The following GALNT13 variants were observed in gnomAD, a reference collection of about 807,000 sequenced individuals.
GALNT13 encodes the protein polypeptide N-acetylgalactosaminyltransferase 13.
A neutral mutation model predicts 64.2 loss-of-function variants in GALNT13; 28 were observed. The observed-to-expected ratio is 0.44, with a 90% CI of 0.32 to 0.60. The LOEUF is 0.60. GALNT13 is among the 20% of genes least tolerant of loss of function. The pLI, the probability that GALNT13 is intolerant of heterozygous loss-of-function variation, is 0.05. For synonymous variants in GALNT13, 214 were observed against 224.6 expected (o/e 0.95, Z 0.42); for missense variants, 577 against 669.8 (o/e 0.86, Z 1.53).
At chr2:153,485,938 T>C in the GALNT13 span, among the ~76,000 whole-genome samples, 1 of 151,876 alleles carries the variant, frequency 6.6e-6, no homozygotes, top group Non-Finnish European at 1.5e-5. Context: ...ACCTTCCTTT[T>C]GTTTTTTTGG....
the GALNT13 span, among the ~76,000 whole-genome samples, chr2:153,726,336 T>TA: frequency 7.2e-5 from 11 of 152,184 alleles, no homozygotes; most frequent in African/African-American, 2.4e-4. Flanking sequence ...GTGTCTTTTT[T>TA]AAAAAAAATG....
At chr2:153,632,101 C>T in the GALNT13 span, among the ~76,000 whole-genome samples, 1 of 152,092 alleles carries the variant, frequency 6.6e-6, no homozygotes, top group African/African-American at 2.4e-5. Flanking sequence ...CTCCCAAGTC[C>T]CTCTTACTGA....
At chr2:154,333,245 G>A (rs1029185726) in intron 9 of GALNT13, among the ~76,000 whole-genome samples, 13 of 151,912 alleles carry the variant, frequency 8.6e-5, no homozygotes, top group Admixed American at 5.9e-4. Flanking sequence ...CACTGATATT[G>A]GAGTTATAGT....
chr2:153,493,701 A>G, the GALNT13 span, among the ~76,000 whole-genome samples: 2 of 152,124 alleles, frequency 1.3e-5, no homozygotes, highest in Admixed American at 6.5e-5. Flanking sequence ...ATCATTATAG[A>G]TGAATATTCT....
chr2:154,329,855 G>T (rs1045068781), intron 9 of GALNT13, among the ~76,000 whole-genome samples: 11 of 152,116 alleles, frequency 7.2e-5, no homozygotes, highest in Non-Finnish European at 1.3e-4. Context: ...TCTCTGTGCA[G>T]AATGGCTCCC....
At chr2:153,862,392 C>T in the GALNT13 span, among the ~76,000 whole-genome samples, 1 of 152,092 alleles carries the variant, frequency 6.6e-6, no homozygotes, top group Non-Finnish European at 1.5e-5. Context: ...CTCTTAATAT[C>T]CTATACTATA....
In GALNT13 at chr2:153,872,093, T is replaced by A. The variant is rs1217810729; in HGVS notation, c.-387T>A. The A allele has an allele frequency of 6.6e-6, 1 of 151,836 alleles. No individual in the cohort carries two copies. The highest frequency in any genetic ancestry group is 1.5e-5 in the Non-Finnish European group (1 of 67,972). The allele number at this position is 151,836 out of a possible 1,614,324, so 9.4% of individuals were successfully genotyped here. On this transcript the variant is annotated 5_prime_UTR_variant, in exon 1 of 13. Transcript: ENST00000392825. ...CTGGCCGAGGCTGGAGCCGGCTCCCTCTGCTCGCGGGCAAGTGTGAAGAGA... is the reference window on the plus strand; with the variant it reads ...CTGGCCGAGGCTGGAGCCGGCTCCCACTGCTCGCGGGCAAGTGTGAAGAGA...
intron 4 of GALNT13, among the ~76,000 whole-genome samples, chr2:154,204,582 G>C (rs528882084): frequency 2.0e-5 from 3 of 152,144 alleles, no homozygotes; most frequent in Admixed American, 6.5e-5. Flanking sequence ...CCACAGAGTT[G>C]CCAAAGTTAA....
chr2:154,168,234 C>G (rs1559000921), intron 4 of GALNT13, among the ~76,000 whole-genome samples: 1 of 152,148 alleles, frequency 6.6e-6, no homozygotes, highest in Non-Finnish European at 1.5e-5. Flanking sequence ...ACTGCAGAAT[C>G]TGCAGAGTGT....
the GALNT13 span, among the ~76,000 whole-genome samples, chr2:153,246,229 G>A: frequency 6.6e-6 from 1 of 152,068 alleles, no homozygotes; most frequent in African/African-American, 2.4e-5. Flanking sequence ...CATACTTCAG[G>A]ATATTATCCA....
chr2:154,257,789 A>G (rs976036499), intron 7 of GALNT13: 3 of 152,226 alleles, frequency 2.0e-5, no homozygotes, highest in African/African-American at 7.2e-5. Flanking sequence ...TAATTAAAAC[A>G]TGAGCATAAC....
At chr2:153,660,689 G>A in the GALNT13 span, among the ~76,000 whole-genome samples, 5 of 151,968 alleles carry the variant, frequency 3.3e-5, no homozygotes, top group Middle Eastern at 3.5e-3. Context: ...AGCTGCTACA[G>A]TTAAACCACT....
At chr2:153,379,418 T>C in the GALNT13 span, among the ~76,000 whole-genome samples, 7 of 152,242 alleles carry the variant, frequency 4.6e-5, no homozygotes, top group African/African-American at 1.7e-4. Context: ...ATGTAGAGAT[T>C]GGGCAATTAG....
chr2:153,869,476 T>C (rs1685814216), upstream of GALNT13, among the ~76,000 whole-genome samples: 1 of 152,176 alleles, frequency 6.6e-6, no homozygotes, highest in South Asian at 2.1e-4. Context: ...ATAGGCAAGA[T>C]ATTGTGTAGA....
At chr2:153,596,474 A>C in the GALNT13 span, among the ~76,000 whole-genome samples, 1 of 152,120 alleles carries the variant, frequency 6.6e-6, no homozygotes, top group Non-Finnish European at 1.5e-5. Context: ...TGCAACATCG[A>C]AATTAGAAAA....
the GALNT13 span, among the ~76,000 whole-genome samples, chr2:153,157,104 G>A: frequency 2.5e-4 from 38 of 152,242 alleles, no homozygotes; most frequent in Non-Finnish European, 3.5e-4. Flanking sequence ...AAGGGATTCT[G>A]TTTCTATGAA....
At chr2:153,504,147 G>T in the GALNT13 span, among the ~76,000 whole-genome samples, 1 of 152,048 alleles carries the variant, frequency 6.6e-6, no homozygotes, top group Non-Finnish European at 1.5e-5. Flanking sequence ...TTTTGCTATT[G>T]TAAAAGGGGG....
intron 10 of GALNT13, among the ~76,000 whole-genome samples, chr2:154,403,694 C>A (rs1383465539): frequency 6.6e-6 from 1 of 152,060 alleles, no homozygotes. Context: ...TTGACCTGGT[C>A]CCCCAGGCCT....
At chr2:154,194,348 T>C (rs1326154906) in intron 4 of GALNT13, among the ~76,000 whole-genome samples, 5 of 152,182 alleles carry the variant, frequency 3.3e-5, no homozygotes, top group African/African-American at 1.2e-4. Flanking sequence ...AATGAGAGGT[T>C]GAGACCAATT....
Sources: gnomAD v4.1 joint callset for allele counts (sites outside exome capture counted in the v4.1 genomes callset) on GRCh38, gnomAD v4.1.1 for gene constraint, MANE v1.5 for transcripts, NCBI Gene and HGNC (gene_info 2026-07-23, HGNC 2026-07-21) for gene names.